The following ADK variants were observed in gnomAD, a reference collection of about 807,000 sequenced individuals.
The protein encoded by ADK is N6,N6-dimethyladenosine kinase.
ADK carries 24 observed loss-of-function variants against 44.7 expected under a neutral mutation model. The observed-to-expected ratio is 0.54, with a 90% CI of 0.39 to 0.76. ADK has a LOEUF of 0.76. Ranked by LOEUF, ADK falls within the 30% of genes least tolerant of loss-of-function variation. The pLI is 0.00. For synonymous variants in ADK, 128 were observed against 142.6 expected (o/e 0.90, Z 0.73); for missense variants, 321 against 425.1 (o/e 0.76, Z 2.15).
At chr10:74,356,360 T>C (rs1446750209) in intron 4 of ADK, among the ~76,000 whole-genome samples, 5 of 152,232 alleles carry the variant, frequency 3.3e-5, no homozygotes, top group Admixed American at 6.5e-5. Flanking sequence ...CTTGATATTC[T>C]GTTAGCTTTT....
At chr10:74,524,151 C>T (rs1485482488) in intron 6 of ADK, among the ~76,000 whole-genome samples, 2 of 152,050 alleles carry the variant, frequency 1.3e-5, no homozygotes, top group East Asian at 3.9e-4. Context: ...CTTATGCTTT[C>T]CTCTAGAAAG....
Position 74,224,536 on chromosome 10 carries a change from A to G in ADK, c.141-2A>G. ...AGTGTAATTTTCGTTTCTGTTATACAGGTATTCTCTGAAACCAAATGACCA... is the reference window on the plus strand; with the variant it reads ...AGTGTAATTTTCGTTTCTGTTATACGGGTATTCTCTGAAACCAAATGACCA... On this transcript the variant is annotated splice_acceptor_variant, in intron 2 of 10. Coordinates refer to ENST00000539909, the MANE Select transcript of ADK (RefSeq NM_006721.4). LOFTEE classifies it high-confidence loss of function. 6.2e-7 allele frequency: 1 copy of G among 1,613,180 alleles called. No individual in the cohort carries two copies. Among genetic ancestry groups the G allele is most frequent in the Non-Finnish European group, 8.5e-7 (1 of 1,179,290 alleles).
intron 4 of ADK, among the ~76,000 whole-genome samples, chr10:74,339,719 A>C (rs750882968): frequency 2.6e-5 from 4 of 152,216 alleles, no homozygotes; most frequent in Non-Finnish European, 5.9e-5. Context: ...TAAGTGTGCA[A>C]ATAAATTATT....
At chr10:74,561,871 G>A (rs1423629392) in intron 7 of ADK, among the ~76,000 whole-genome samples, 1 of 152,076 alleles carries the variant, frequency 6.6e-6, no homozygotes, top group Non-Finnish European at 1.5e-5. Flanking sequence ...TCTTTCAAAG[G>A]GCTCACCTAA....
chr10:74,487,517 A>T (rs778514715), intron 6 of ADK, among the ~76,000 whole-genome samples: 2 of 150,502 alleles, frequency 1.3e-5, no homozygotes, highest in Non-Finnish European at 3.0e-5. Flanking sequence ...TTGCCAGTTT[A>T]TTTTTTGGCT....
intron 9 of ADK, among the ~76,000 whole-genome samples, chr10:74,601,041 G>T (rs920297977): frequency 2.0e-5 from 3 of 151,778 alleles, no homozygotes; most frequent in African/African-American, 7.3e-5. Context: ...TTTTAATTCT[G>T]TCTGTACCAT....
intron 2 of ADK, among the ~76,000 whole-genome samples, chr10:74,217,536 G>A (rs999011280): frequency 6.6e-6 from 1 of 152,226 alleles, no homozygotes; most frequent in Non-Finnish European, 1.5e-5. Context: ...CCAGCACGCA[G>A]CTGGAGATCT....
chr10:74,192,332 A>T (rs1842981937), intron 1 of ADK, among the ~76,000 whole-genome samples: 4 of 151,276 alleles, frequency 2.6e-5, no homozygotes, highest in Admixed American at 2.6e-4. Context: ...GGTTCAAGTG[A>T]TTTTTCTGCC....
intron 2 of ADK, among the ~76,000 whole-genome samples, chr10:74,206,598 G>T (rs907945234): frequency 2.0e-5 from 3 of 152,178 alleles, no homozygotes; most frequent in Non-Finnish European, 4.4e-5. Flanking sequence ...TGACAAGAAT[G>T]ACCCAATTTA....
At position 74,261,642 on chromosome 10, in the gene ADK, T is replaced by G. The variant is rs189202016; in HGVS notation, c.194+37051T>G. ...TTGGTATTTCAATTAAGTCTGGAAA[T>G]GCAGATTGAAAATAATTATTCCTCA... On this transcript the variant is annotated intron_variant, in intron 3 of 10. Transcript: ENST00000539909. Among the ~76,000 whole-genome samples, 4 of 152,322 alleles carry G rather than the reference T, an allele frequency of 2.6e-5. No individual in the cohort carries two copies. In the East Asian group the frequency reaches 5.8e-4, roughly 22 times the overall value.
intron 4 of ADK, among the ~76,000 whole-genome samples, chr10:74,364,831 C>T (rs1842450763): frequency 1.3e-5 from 2 of 151,364 alleles, no homozygotes; most frequent in South Asian, 4.2e-4. Flanking sequence ...CTTTTATCTT[C>T]CTGGGAGTTT....
intron 9 of ADK, among the ~76,000 whole-genome samples, chr10:74,645,006 A>T (rs1036713310): frequency 2.0e-5 from 3 of 152,236 alleles, no homozygotes; most frequent in Non-Finnish European, 4.4e-5. Context: ...TCTAGGTAGT[A>T]CAGAGCAGCC....
chr10:74,702,638 G>A (rs1156355867), intron 10 of ADK, among the ~76,000 whole-genome samples: 1 of 146,002 alleles, frequency 6.8e-6, no homozygotes, highest in Non-Finnish European at 1.5e-5. Flanking sequence ...TACTCTTGTT[G>A]CCCAGGCTGG....
chr10:74,459,478 C>A (rs1404331802), intron 6 of ADK, among the ~76,000 whole-genome samples: 6 of 151,730 alleles, frequency 4.0e-5, no homozygotes, highest in Non-Finnish European at 8.8e-5. Context: ...TGTCTGTAAT[C>A]CCAGCACTTT....
chr10:74,157,214 G>A (rs1002916165), intron 1 of ADK, among the ~76,000 whole-genome samples: 1 of 152,134 alleles, frequency 6.6e-6, no homozygotes, highest in African/African-American at 2.4e-5. Flanking sequence ...AAGAGGGGTG[G>A]CCTATCACAG....
At chr10:74,359,037 C>T (rs1177852940) in intron 4 of ADK, among the ~76,000 whole-genome samples, 1 of 152,072 alleles carries the variant, frequency 6.6e-6, no homozygotes, top group Non-Finnish European at 1.5e-5. Context: ...TGGCTTCAAG[C>T]AATCCTCCTG....
chr10:74,498,142 G>T (rs1033619185), intron 6 of ADK, among the ~76,000 whole-genome samples: 10 of 152,138 alleles, frequency 6.6e-5, no homozygotes, highest in African/African-American at 2.4e-4. Context: ...ACTTGCCTCA[G>T]CCTCCCAAAG....
chr10:74,688,924 A>C (rs1231960363), intron 10 of ADK, among the ~76,000 whole-genome samples: 1 of 145,782 alleles, frequency 6.9e-6, no homozygotes, highest in Non-Finnish European at 1.5e-5. Flanking sequence ...AAACAGAGAG[A>C]CTGATCATAC....
At chr10:74,185,738 A>C (rs1182446294) in intron 1 of ADK, among the ~76,000 whole-genome samples, 1 of 124,216 alleles carries the variant, frequency 8.1e-6, no homozygotes, top group Non-Finnish European at 1.7e-5. Flanking sequence ...CGGGAGGCTG[A>C]GGCAGGAGAA....
Sources: gnomAD v4.1 joint callset for allele counts (sites outside exome capture counted in the v4.1 genomes callset) on GRCh38, gnomAD v4.1.1 for gene constraint, MANE v1.5 for transcripts, NCBI Gene and HGNC (gene_info 2026-07-23, HGNC 2026-07-21) for gene names.